The following BCAT1 variants were observed in gnomAD, a reference collection of about 807,000 sequenced individuals.
BCAT1 encodes the protein branched-chain-amino-acid aminotransferase, cytosolic.
A neutral mutation model predicts 52.4 loss-of-function variants in BCAT1; 48 were observed. The observed-to-expected ratio is 0.92, with a 90% CI of 0.73 to 1.16. BCAT1 has a LOEUF of 1.16. Ranked by LOEUF, BCAT1 falls within the 50% of genes most tolerant of loss-of-function variation. The pLI, the probability that BCAT1 is intolerant of heterozygous loss-of-function variation, is 0.00. For synonymous variants in BCAT1, 167 were observed against 161.3 expected (o/e 1.04, Z -0.27); for missense variants, 451 against 457.1 (o/e 0.99, Z 0.12).
intron 3 of BCAT1, among the ~76,000 whole-genome samples, chr12:24,887,684 T>G (rs1409261342): frequency 1.3e-5 from 2 of 152,244 alleles, no homozygotes; most frequent in East Asian, 3.8e-4. Context: ...ACACATTAAA[T>G]AGTACATACA....
At chr12:24,881,608 T>C (rs1942499782) in intron 3 of BCAT1, among the ~76,000 whole-genome samples, 197 bp from the exon 4 acceptor site, 1 of 152,172 alleles carries the variant, frequency 6.6e-6, no homozygotes, top group African/African-American at 2.4e-5. Context: ...TGGAGGAAAG[T>C]TATTTTATTA....
Position 24,894,405 on chromosome 12 carries a change from C to A in BCAT1, c.149G>T (p.Gly50Val). 3.1e-6 allele frequency: 5 copies of A among 1,612,816 alleles called. No individual in the cohort carries two copies. The highest frequency in any genetic ancestry group is 4.2e-6 in the Non-Finnish European group (5 of 1,179,328). The change falls in exon 3 of 11, where the codon GGA becomes GTA. Residue 50 changes from glycine (G) to valine (V), a missense_variant. By Grantham distance (109) the Gly-to-Val change is moderately radical. Coordinates refer to ENST00000261192, the MANE Select transcript of BCAT1 (RefSeq NM_005504.7). ...EKPDPNNLVF[G>V]TVFTDHMLTV... ...CAGCATATGATCCGTGAACACAGTT[C>A]CAAAAACCAGATTATTGGGGTCTGG...
chr12:24,917,057 T>G (rs1943422268), intron 1 of BCAT1, among the ~76,000 whole-genome samples: 1 of 151,920 alleles, frequency 6.6e-6, no homozygotes, highest in African/African-American at 2.4e-5. Flanking sequence ...ATAAAAAAAA[T>G]CAGTAATGTT....
chr12:24,839,217 T>G (rs140669467), intron 7 of BCAT1, among the ~76,000 whole-genome samples: 1 of 152,312 alleles, frequency 6.6e-6, no homozygotes, highest in East Asian at 1.9e-4. Flanking sequence ...ATGATTTTGA[T>G]TAAGAGCTCA....
chr12:24,855,810 T>TA (rs918394952), intron 5 of BCAT1, among the ~76,000 whole-genome samples: 7 of 152,112 alleles, frequency 4.6e-5, no homozygotes, highest in Non-Finnish European at 8.8e-5. Flanking sequence ...TTATTTTTTT[T>TA]AGAGACAGAG....
In BCAT1 at chr12:24,814,264, C is replaced by T. The variant is rs920306313; in HGVS notation, c.*3744G>A. 6.6e-6 allele frequency: 1 copy of T among 152,012 alleles called. No homozygotes were observed. The highest frequency in any genetic ancestry group is 1.5e-5 in the Non-Finnish European group (1 of 67,942). The allele number at this position is 152,012 out of a possible 1,614,324, so 9.4% of individuals were successfully genotyped here. A position where few individuals can be genotyped will look rare whatever the true frequency, so the allele number is the denominator to read the frequency against. On this transcript the variant is annotated 3_prime_UTR_variant, in exon 11 of 11. Coordinates refer to ENST00000261192, the MANE Select transcript of BCAT1 (RefSeq NM_005504.7). ...CATGAAATAAGGGATTTCTCTAACC[C>T]TTAACTCTTCTGCCGGCTTACTTGG... is the stretch of plus-strand genomic sequence containing the variant.
intron 10 of BCAT1, among the ~76,000 whole-genome samples, chr12:24,820,242 T>G (rs1566550607): frequency 6.6e-6 from 1 of 152,172 alleles, no homozygotes; most frequent in Non-Finnish European, 1.5e-5. Flanking sequence ...ATTCTGTAAT[T>G]TATGCTTTTA....
At chr12:24,947,868 T>C (rs998401868) in intron 1 of BCAT1, among the ~76,000 whole-genome samples, 2 of 152,260 alleles carry the variant, frequency 1.3e-5, no homozygotes, top group Non-Finnish European at 2.9e-5. Context: ...ATAGAACCTC[T>C]AACTATAGAA....
rs1939671671 is a variant in BCAT1 at position 24,811,340 on chromosome 12, C to G, written c.*6668G>C. 6.6e-6 allele frequency: 1 copy of G among 152,162 alleles called. No individual in the cohort carries two copies. Among genetic ancestry groups the G allele is most frequent in the African/African-American group, 2.4e-5 (1 of 41,446 alleles). The allele number at this position is 152,162 out of a possible 1,614,324, so 9.4% of individuals were successfully genotyped here. On this transcript the variant is annotated 3_prime_UTR_variant, in exon 11 of 11. Coordinates refer to ENST00000261192, the MANE Select transcript of BCAT1 (RefSeq NM_005504.7). ...TTATTACTTCATGCATTCAACAATG[C>G]TGATTTCATGAAACCACACAAACAG...
At position 24,836,908 on chromosome 12, in the gene BCAT1, G is replaced by GAAAGAAAGAAAGAA. The variant is rs63356762; in HGVS notation, c.818-313_818-312insTTCTTTCTTTCTTT. Among the ~76,000 whole-genome samples the GAAAGAAAGAAAGAA allele has an allele frequency of 2.9e-4, 12 of 40,872 alleles. 1 individual carries two copies. Among genetic ancestry groups the GAAAGAAAGAAAGAA allele is most frequent in the African/African-American group, 5.6e-4 (8 of 14,264 alleles). The allele number at this position is 40,872 out of a possible 152,430, so 26.8% of individuals were successfully genotyped here. On this transcript the variant is annotated intron_variant, in intron 7 of 10. Coordinates refer to ENST00000261192, the MANE Select transcript of BCAT1 (RefSeq NM_005504.7). ...AAGAAAGAAAGAAAGAAAAGAAAGA[G>GAAAGAAAGAAAGAA]AGAAAGAAAGAAAGAAAGAAAGAAA...
Position 24,881,291 on chromosome 12 carries a change from A to G in BCAT1, c.390+10T>C, listed in dbSNP as rs769599898. 6.3e-7 allele frequency: 1 copy of G among 1,581,048 alleles called. No individual in the cohort carries two copies. Among genetic ancestry groups the G allele is most frequent in the East Asian group, 2.2e-5 (1 of 44,698 alleles). On this transcript the variant is annotated intron_variant, in intron 4 of 10. Transcript: ENST00000261192. ...AAAGAAACACAAAAGAAACTCCTAC[A>G]CTTACATACCGGCAGAGTTGCCCTC...
At chr12:24,917,227 G>A (rs1215563265) in intron 1 of BCAT1, among the ~76,000 whole-genome samples, 3 of 131,484 alleles carry the variant, frequency 2.3e-5, no homozygotes, top group Admixed American at 9.0e-5. Context: ...TTTTGAGGCT[G>A]GAGTGCAGTG....
chr12:24,890,206 G>A (rs982154425), intron 3 of BCAT1, among the ~76,000 whole-genome samples: 14 of 152,204 alleles, frequency 9.2e-5, no homozygotes, highest in African/African-American at 2.7e-4. Context: ...CAGAGGACAG[G>A]ACTTGTGACT....
At chr12:24,887,213 G>A (rs1942707033) in intron 3 of BCAT1, among the ~76,000 whole-genome samples, 1 of 150,400 alleles carries the variant, frequency 6.6e-6, no homozygotes, top group Middle Eastern at 3.4e-3. Context: ...CTGCCTGCAG[G>A]TGGTATGGGT....
chr12:24,854,213 A>G (rs1168520080), intron 5 of BCAT1, among the ~76,000 whole-genome samples: 2 of 152,234 alleles, frequency 1.3e-5, no homozygotes, highest in African/African-American at 4.8e-5. Context: ...TGACGGCAGG[A>G]AAGAGCTCAG....
At chr12:24,921,253 G>A (rs944753397) in intron 1 of BCAT1, among the ~76,000 whole-genome samples, 2 of 152,170 alleles carry the variant, frequency 1.3e-5, no homozygotes, top group Admixed American at 1.3e-4. Context: ...GCACTTTGGA[G>A]ATTCCAAGGA....
At position 24,849,881 on chromosome 12, in the gene BCAT1, A is replaced by C; in HGVS notation, c.579T>G (p.Tyr193Ter). The change falls in exon 6 of 11, where the codon TAT becomes TAG. Residue 193 changes from tyrosine (Y) to a stop codon, truncating the protein, a stop_gained. Transcript: ENST00000261192. LOFTEE classifies it high-confidence loss of function. ...CTGGATTAAAGGTTCCACTTGAAAAATAAGGTCCCACTGGGCTCAAGAGTA... is the reference window on the plus strand; with the variant it reads ...CTGGATTAAAGGTTCCACTTGAAAACTAAGGTCCCACTGGGCTCAAGAGTA... ...LFVLLSPVGP[Y>*]FSSGTFNPVS... 1 of 1,613,894 alleles carries C rather than the reference A, an allele frequency of 6.2e-7. No homozygotes were observed. Among genetic ancestry groups the C allele is most frequent in the Non-Finnish European group, 8.5e-7 (1 of 1,179,814 alleles).
chr12:24,832,551 A>G (rs893403063), intron 9 of BCAT1, among the ~76,000 whole-genome samples, 172 bp downstream of exon 9: 1 of 152,230 alleles, frequency 6.6e-6, no homozygotes, highest in African/African-American at 2.4e-5. Context: ...ACTGCACTCC[A>G]GCCTGGGCAA....
chr12:24,853,262 C>G (rs562668348), intron 5 of BCAT1, among the ~76,000 whole-genome samples: 5 of 152,206 alleles, frequency 3.3e-5, no homozygotes, highest in Non-Finnish European at 7.3e-5. Flanking sequence ...GAATACTATG[C>G]AGCCATAAAA....
Sources: allele counts gnomAD v4.1 joint callset (sites outside exome capture counted in the v4.1 genomes callset), GRCh38; gene constraint gnomAD v4.1.1; transcripts MANE v1.5; gene names NCBI Gene and HGNC (gene_info 2026-07-23, HGNC 2026-07-21).